Variants in DDX54 observed in about 807,000 individuals in gnomAD.
The protein encoded by DDX54 is ATP-dependent RNA helicase DDX54.
Under a neutral mutation model 105.5 loss-of-function variants are expected in DDX54, and 67 were observed. The ratio of observed to expected loss-of-function variants is 0.64; its 90% CI spans 0.52 to 0.78. The LOEUF (loss-of-function observed/expected upper bound fraction) is 0.78, where lower values mean the gene tolerates loss of function less well. Ranked by LOEUF, DDX54 falls within the 30% of genes least tolerant of loss-of-function variation. The pLI, the probability that DDX54 is intolerant of heterozygous loss-of-function variation, is 0.00. For synonymous variants in DDX54, 514 were observed against 509.9 expected (o/e 1.01, Z -0.11); for missense variants, 1,206 against 1,230.5 (o/e 0.98, Z 0.30).
chr12:113,173,836 G>A (rs959997929), intron 10 of DDX54, among the ~76,000 whole-genome samples: 5 of 152,090 alleles, frequency 3.3e-5, no homozygotes, highest in African/African-American at 4.8e-5. Context: ...ACGAGTACCC[G>A]GGGTTCATCA....
intron 14 of DDX54, 146 bp downstream of exon 14, chr12:113,165,498 C>T: frequency 1.2e-6 from 1 of 820,266 alleles, no homozygotes; most frequent in Non-Finnish European, 1.8e-6. Flanking sequence ...GATGAAAATC[C>T]CTGCTGGGGT....
Position 113,160,147 on chromosome 12 carries a change from G to T in DDX54, c.2414-1038C>A, listed in dbSNP as rs569491034. ...GTGAGGTGTGGGTGGTCCCCACCCA[G>T]CCATGCTGACAAGGAGACACTCCCA... is the stretch of plus-strand genomic sequence containing the variant. On this transcript the variant is annotated intron_variant, in intron 19 of 19. Transcript: ENST00000306014. Among the ~76,000 whole-genome samples the T allele has an allele frequency of 2.0e-5, 3 of 152,344 alleles. No individual in the cohort carries two copies. In the South Asian group the frequency reaches 6.2e-4, roughly 32 times the overall value.
chr12:113,171,908 TA>T (rs1462287672), intron 11 of DDX54, among the ~76,000 whole-genome samples: 5 of 152,198 alleles, frequency 3.3e-5, no homozygotes, highest in African/African-American at 7.2e-5. Context: ...CCTAACCCAC[TA>T]AACATCGCAG....
At chr12:113,179,079 G>T in intron 4 of DDX54, 53 bp from the exon 5 acceptor site, 1 of 1,613,196 alleles carries the variant, frequency 6.2e-7, no homozygotes, top group Non-Finnish European at 8.5e-7. Context: ...CAGCACACTC[G>T]TGGCCTCTGT....
rs758219139 is a variant in DDX54 at position 113,185,253 on chromosome 12, A to T, written c.174+25T>A. On this transcript the variant is annotated intron_variant, in intron 1 of 19. Coordinates refer to ENST00000306014, the MANE Select transcript of DDX54 (RefSeq NM_024072.4). ...CCGGAGCCGGGTCTCGGGCCCGAACATGCGTCCCAGCCCCACGCGCCTACC... is the reference window on the plus strand; with the variant it reads ...CCGGAGCCGGGTCTCGGGCCCGAACTTGCGTCCCAGCCCCACGCGCCTACC... 34 of 1,492,474 alleles carry T rather than the reference A, an allele frequency of 2.3e-5. 1 individual carries two copies. In the African/African-American group the frequency reaches 4.6e-4, roughly 20 times the overall value. The allele number at this position is 1,492,474 out of a possible 1,614,324, so 92.5% of individuals were successfully genotyped here.
chr12:113,164,320 C>G (rs199833613), intron 14 of DDX54, 35 bp from the exon 15 acceptor site: 9 of 1,540,924 alleles, frequency 5.8e-6, no homozygotes, highest in Admixed American at 1.9e-5. Flanking sequence ...TGCCCACTGG[C>G]CTCCTACTCC....
At chr12:113,162,568 G>T in intron 17 of DDX54, 1 of 307,388 alleles carries the variant, frequency 3.3e-6, no homozygotes, top group Non-Finnish European at 6.1e-6. Flanking sequence ...CTGCCTGCTG[G>T]CATGGAGGGC....
At chr12:113,175,410 C>T (rs1471810181) in intron 7 of DDX54, among the ~76,000 whole-genome samples, 1 of 152,220 alleles carries the variant, frequency 6.6e-6, no homozygotes, top group Non-Finnish European at 1.5e-5. Flanking sequence ...CAGAGGCTCA[C>T]ACCTGTAATC....
intron 14 of DDX54, 72 bp from the exon 15 acceptor site, chr12:113,164,357 C>G: frequency 6.8e-7 from 1 of 1,469,972 alleles, no homozygotes; most frequent in Admixed American, 2.2e-5. Flanking sequence ...ACTTGGTGGG[C>G]TTCCTATGGG....
At chr12:113,174,982 C>T (rs2136322685) in intron 8 of DDX54, 46 bp from the exon 9 acceptor site, 4 of 1,609,516 alleles carry the variant, frequency 2.5e-6, no homozygotes, top group Non-Finnish European at 3.4e-6. Flanking sequence ...GAGGGACTGG[C>T]CCCCAGGCCC....
chr12:113,166,884 G>C (rs1289198491), intron 12 of DDX54, among the ~76,000 whole-genome samples: 3 of 152,186 alleles, frequency 2.0e-5, no homozygotes, highest in Non-Finnish European at 4.4e-5. Context: ...AATCTAGGCA[G>C]AGTCCATACT....
In DDX54 at chr12:113,162,822, CG is replaced by C. The variant is rs1395598046; in HGVS notation, c.2195+109del. 1.8e-5 allele frequency: 20 copies of C among 1,083,712 alleles called. No homozygotes were observed. In the African/African-American group the frequency reaches 3.1e-4, roughly 17 times the overall value. The allele number at this position is 1,083,712 out of a possible 1,614,324, so 67.1% of individuals were successfully genotyped here. On this transcript the variant is annotated intron_variant, in intron 17 of 19. Transcript: ENST00000306014. ...GGGCGGCTCACTCACTCACTCACCC[CG>C]GGCATGGAGGGAGGGGCGGCTCACT...
intron 11 of DDX54, among the ~76,000 whole-genome samples, chr12:113,171,470 G>A (rs1337099777): frequency 6.6e-6 from 1 of 152,028 alleles, no homozygotes; most frequent in Admixed American, 6.6e-5. Context: ...TGGGCCTGGT[G>A]GCGAGCACCT....
chr12:113,177,897 A>G (rs1426315760), intron 5 of DDX54, among the ~76,000 whole-genome samples: 1 of 152,202 alleles, frequency 6.6e-6, no homozygotes, highest in East Asian at 1.9e-4. Context: ...CATCTTATGA[A>G]TCTGAGCTAT....
At chr12:113,170,985 G>A (rs893616576) in intron 11 of DDX54, among the ~76,000 whole-genome samples, 1 of 152,228 alleles carries the variant, frequency 6.6e-6, no homozygotes, top group African/African-American at 2.4e-5. Flanking sequence ...ATTTTGGTTT[G>A]TCTCTGTATC....
At chr12:113,176,515 C>A (rs1042010950) in intron 7 of DDX54, among the ~76,000 whole-genome samples, 3 of 152,126 alleles carry the variant, frequency 2.0e-5, no homozygotes, top group Non-Finnish European at 4.4e-5. Flanking sequence ...TGAAATGAGC[C>A]AAGATCATAC....
chr12:113,163,192 C>T lies in DDX54; in HGVS notation c.2021G>A (p.Arg674Gln), dbSNP rs747760841. 2.1e-5 allele frequency: 34 copies of T among 1,612,556 alleles called. No homozygotes were observed. Among genetic ancestry groups the T allele is most frequent in the South Asian group, 7.7e-5 (7 of 91,086 alleles). ...RGAKRRREEARQRDQEFYIPY... is the reference protein window; with the variant it reads ...RGAKRRREEAQQRDQEFYIPY... ...GATGTAGAATTCCTGGTCCCGCTGCCGGGCCTCCTCCCTCCGCCTCTTGGC... is the reference window on the plus strand; with the variant it reads ...GATGTAGAATTCCTGGTCCCGCTGCTGGGCCTCCTCCCTCCGCCTCTTGGC... Residue 674 changes from arginine to glutamine, a missense_variant, in exon 16 of 20, where the codon CGG becomes CAG. By Grantham distance (43) the Arg-to-Gln change is conservative. This residue lies in a region of DDX54 where 961 missense variants were observed against 1,019.1 expected (regional missense o/e 0.94). Transcript: ENST00000306014. This position sits in a 1 kb window ranked among gnomAD's most constrained non-coding sequence, Gnocchi z 5.9.
Position 113,175,177 on chromosome 12 carries a change from G to A in DDX54, c.753-20C>T, listed in dbSNP as rs979516950. On this transcript the variant is annotated intron_variant, in intron 7 of 19. Coordinates refer to ENST00000306014, the MANE Select transcript of DDX54 (RefSeq NM_024072.4). ...AAAAGCCTGGAAGGGTAGAGGGCAG[G>A]ACTGGGTCAGAGGGGGCCTTCACTC... 4.4e-6 allele frequency: 7 copies of A among 1,584,122 alleles called. No homozygotes were observed. In the African/African-American group the frequency reaches 5.4e-5, roughly 12 times the overall value.
In DDX54 at chr12:113,157,324, T is replaced by A. The variant is rs752853570; in HGVS notation, c.*1553A>T. 1 of 476,900 alleles carries A rather than the reference T, an allele frequency of 2.1e-6. No homozygotes were observed. The highest frequency in any genetic ancestry group is 3.8e-6 in the Non-Finnish European group (1 of 266,594). 29.5% of individuals were successfully genotyped at this position (476,900 alleles called of 1,614,324 possible). A position where few individuals can be genotyped will look rare whatever the true frequency, so the allele number is the denominator to read the frequency against. On this transcript the variant is annotated 3_prime_UTR_variant, in exon 20 of 20. Transcript: ENST00000306014. ...TACAAGAAAATAAAGCTGATTGATG[T>A]AAATGAAAATACTAATTGGATAGTG... is the stretch of plus-strand genomic sequence containing the variant.
Sources: allele counts gnomAD v4.1 joint callset (sites outside exome capture counted in the v4.1 genomes callset), GRCh38; gene constraint gnomAD v4.1.1; regional missense constraint gnomAD v4.1.1; non-coding constraint Gnocchi (gnomAD v3.1); transcripts MANE v1.5; gene names NCBI Gene and HGNC (gene_info 2026-07-23, HGNC 2026-07-21).